Variants in HDAC8 observed in about 807,000 individuals in gnomAD.
HDAC8 encodes the protein histone deacetylase 8.
A neutral mutation model predicts 32.2 loss-of-function variants in HDAC8; 1 was observed. That is an observed-to-expected ratio of 0.03 (90% CI 0.01 to 0.15). The LOEUF (loss-of-function observed/expected upper bound fraction) is 0.15. Among genes scored for constraint, HDAC8 ranks in the 10% least tolerant of loss-of-function variants. The pLI is 1.00. For missense variants in HDAC8, 117 were observed against 300.0 expected (o/e 0.39, Z 4.51); for synonymous variants, 108 against 113.9 (o/e 0.95, Z 0.33).
chrX:72,331,429 C>T (rs1325765560), intron 10 of HDAC8, among the ~76,000 whole-genome samples: 2 of 111,321 alleles, frequency 1.8e-5, no homozygotes, highest in African/African-American at 6.5e-5. Flanking sequence ...ATCTGTTCTC[C>T]ATCACTGTAG....
intron 9 of HDAC8, among the ~76,000 whole-genome samples, chrX:72,359,995 AG>A (rs2044495521): frequency 9.2e-6 from 1 of 108,327 alleles, no homozygotes; most frequent in Non-Finnish European, 1.9e-5. Context: ...CAGAGGTTGC[AG>A]TGAGTCAAGA....
At chrX:72,547,963 C>T (rs1287774443) in intron 4 of HDAC8, among the ~76,000 whole-genome samples, 1 of 111,492 alleles carries the variant, frequency 9.0e-6, no homozygotes, top group Non-Finnish European at 1.9e-5. Context: ...TCTCTTAAAG[C>T]TGTCTCAAAT....
intron 4 of HDAC8, among the ~76,000 whole-genome samples, chrX:72,539,472 C>T (rs1296520035): frequency 9.2e-6 from 1 of 108,874 alleles, no homozygotes; most frequent in African/African-American, 3.4e-5. Flanking sequence ...GATCTCTTGA[C>T]CTCGTGATCC....
intron 4 of HDAC8, among the ~76,000 whole-genome samples, chrX:72,522,622 T>C (rs1308482438): frequency 1.8e-5 from 2 of 112,494 alleles, no homozygotes; most frequent in African/African-American, 6.5e-5. Flanking sequence ...GATTGCTGCA[T>C]ATTAAAAATT....
chrX:72,333,037 C>CCTTG (rs2043573940), intron 10 of HDAC8, among the ~76,000 whole-genome samples: 2 of 112,038 alleles, frequency 1.8e-5, no homozygotes, highest in Non-Finnish European at 3.8e-5. Flanking sequence ...TTTTCATTCC[C>CCTTG]TTAACAGGGT....
At chrX:72,419,653 T>G (rs1178957897) in intron 9 of HDAC8, among the ~76,000 whole-genome samples, 2 of 111,822 alleles carry the variant, frequency 1.8e-5, no homozygotes, top group Admixed American at 1.9e-4. Context: ...CAACATAGAA[T>G]AGCAGTGGTA....
At chrX:72,420,193 T>C (rs1555973104) in intron 9 of HDAC8, among the ~76,000 whole-genome samples, 1 of 111,986 alleles carries the variant, frequency 8.9e-6, no homozygotes, top group African/African-American at 3.2e-5. Flanking sequence ...TTTAAATGTC[T>C]GGTAGAATTC....
intron 4 of HDAC8, among the ~76,000 whole-genome samples, chrX:72,498,256 G>T (rs1160485186): frequency 1.8e-5 from 2 of 110,397 alleles, no homozygotes; most frequent in African/African-American, 6.6e-5. Flanking sequence ...TTACTATTGA[G>T]GAGTTGCATG....
intron 8 of HDAC8, 40 bp from the exon 9 acceptor site, chrX:72,462,138 CAT>C (rs1178117989): frequency 2.0e-6 from 2 of 997,729 alleles, no homozygotes; most frequent in African/African-American, 3.8e-5. Context: ...AAAGAATAGT[CAT>C]AAAACAGCAG....
chrX:72,329,889 C>T lies in HDAC8; in HGVS notation c.*165G>A. 3 of 790,391 alleles carry T rather than the reference C, an allele frequency of 3.8e-6. No individual in the cohort carries two copies. The highest frequency in any genetic ancestry group is 5.5e-6 in the Non-Finnish European group (3 of 543,806). The allele number at this position is 790,391 out of a possible 1,213,427, so 65.1% of individuals were successfully genotyped here. On this transcript the variant is annotated 3_prime_UTR_variant, in exon 11 of 11. Transcript: ENST00000373573. ...GGACTCTGGGGTGCCTGCCTCTTCA[C>T]CCCAGGAAGCCAGCTGCCACTTGAT...
intron 10 of HDAC8, among the ~76,000 whole-genome samples, chrX:72,346,053 G>A (rs2044019891): frequency 9.0e-6 from 1 of 111,723 alleles, no homozygotes; most frequent in South Asian, 3.8e-4. Flanking sequence ...CAATAACAAC[G>A]ATGACAAGAA....
chrX:72,347,777 G>A (rs984957909), intron 10 of HDAC8, among the ~76,000 whole-genome samples: 6 of 112,192 alleles, frequency 5.3e-5, no homozygotes, highest in Non-Finnish European at 1.1e-4. Flanking sequence ...TGAACATGGT[G>A]CAAGGATGAT....
intron 2 of HDAC8, among the ~76,000 whole-genome samples, chrX:72,571,089 T>C (rs1367467588): frequency 9.2e-6 from 1 of 109,063 alleles, no homozygotes; most frequent in African/African-American, 3.4e-5. Context: ...CACGCCCGGC[T>C]AATTTTTTGT....
chrX:72,454,429 T>C (rs2047669625), intron 9 of HDAC8, among the ~76,000 whole-genome samples: 1 of 112,094 alleles, frequency 8.9e-6, no homozygotes, highest in African/African-American at 3.2e-5. Context: ...GAAACATCAG[T>C]AAGGGTTCTG....
chrX:72,430,352 T>C (rs1555977016), intron 9 of HDAC8, among the ~76,000 whole-genome samples: 1 of 112,523 alleles, frequency 8.9e-6, no homozygotes, highest in African/African-American at 3.2e-5. Context: ...CAAGTCATTT[T>C]CCTTAAAACA....
intron 4 of HDAC8, among the ~76,000 whole-genome samples, chrX:72,556,262 C>A (rs1214429941): frequency 8.9e-6 from 1 of 111,928 alleles, no homozygotes; most frequent in Non-Finnish European, 1.9e-5. Flanking sequence ...AAGCATAAAT[C>A]TTGAAACAAA....
chrX:72,515,246 G>T (rs1305982774), intron 4 of HDAC8, among the ~76,000 whole-genome samples: 6 of 110,763 alleles, frequency 5.4e-5, no homozygotes, highest in Non-Finnish European at 9.4e-5. Context: ...CTCTGTTTTT[G>T]AGTCTGACCT....
At chrX:72,515,528 T>G (rs961968816) in intron 4 of HDAC8, among the ~76,000 whole-genome samples, 1 of 88,473 alleles carries the variant, frequency 1.1e-5, no homozygotes, top group Non-Finnish European at 2.1e-5. Flanking sequence ...TTCTACACTC[T>G]GGGAATAATG....
chrX:72,420,784 T>C lies in HDAC8; in HGVS notation c.1005+41220A>G, dbSNP rs2046465976. 3.6e-5 allele frequency among the ~76,000 whole-genome samples: 4 copies of C among 112,057 alleles called. No homozygotes were observed. In the South Asian group the frequency reaches 1.5e-3, roughly 41 times the overall value. Reference sequence around the variant, plus strand: ...ATTAGTAAGCCACCCCACCTCTTTTTGGTTACCACTTGAATAAAATATTTT... The same window carrying C: ...ATTAGTAAGCCACCCCACCTCTTTTCGGTTACCACTTGAATAAAATATTTT... On this transcript the variant is annotated intron_variant, in intron 9 of 10. Transcript: ENST00000373573.
Sources: gnomAD v4.1 joint callset for allele counts (sites outside exome capture counted in the v4.1 genomes callset) on GRCh38, gnomAD v4.1.1 for gene constraint, MANE v1.5 for transcripts, NCBI Gene and HGNC (gene_info 2026-07-23, HGNC 2026-07-21) for gene names.